The following JAZF1 variants were observed in gnomAD, a reference collection of about 807,000 sequenced individuals.
JAZF1 encodes the protein JAZF zinc finger 1.
JAZF1 carries 8 observed loss-of-function variants against 26.4 expected under a neutral mutation model. The ratio of observed to expected loss-of-function variants is 0.30; its 90% CI spans 0.18 to 0.55. The LOEUF (loss-of-function observed/expected upper bound fraction) is 0.55, where lower values mean the gene tolerates loss of function less well. JAZF1 is among the 20% of genes least tolerant of loss of function. JAZF1 has a pLI of 0.94. For missense variants in JAZF1, 199 were observed against 322.0 expected (o/e 0.62, Z 2.92); for synonymous variants, 126 against 122.3 (o/e 1.03, Z -0.20).
chr7:27,949,129 T>C (rs778318535), intron 2 of JAZF1, among the ~76,000 whole-genome samples: 22 of 152,270 alleles, frequency 1.4e-4, no homozygotes, highest in African/African-American at 3.9e-4. Context: ...TCCAATTCCA[T>C]AGTCACTCAG....
chr7:27,877,283 T>C (rs1783694953), intron 3 of JAZF1, among the ~76,000 whole-genome samples: 1 of 152,182 alleles, frequency 6.6e-6, no homozygotes, highest in Non-Finnish European at 1.5e-5. Context: ...CTGAGAAATA[T>C]GGAAATACCA....
rs577336730 is a variant in JAZF1 at position 28,089,549 on chromosome 7, T to C, written c.115+90914A>G. Among the ~76,000 whole-genome samples the C allele has an allele frequency of 2.0e-5, 3 of 152,316 alleles. No individual in the cohort carries two copies. The East Asian group carries it at 5.8e-4, about 29-fold the overall frequency. On this transcript the variant is annotated intron_variant, in intron 1 of 4. Coordinates refer to ENST00000283928, the MANE Select transcript of JAZF1 (RefSeq NM_175061.4). ...ACGCGTAGAGAGGCTGGAAGGTACATGCTAGAAAATGTTGACATTGCTGTG... is the reference window on the plus strand; with the variant it reads ...ACGCGTAGAGAGGCTGGAAGGTACACGCTAGAAAATGTTGACATTGCTGTG...
intron 1 of JAZF1, among the ~76,000 whole-genome samples, chr7:28,137,386 T>C (rs558508665): frequency 1.3e-5 from 2 of 152,244 alleles, no homozygotes; most frequent in South Asian, 4.1e-4. Flanking sequence ...TGGTCAAACT[T>C]CTCATGCTGA....
intron 1 of JAZF1, among the ~76,000 whole-genome samples, chr7:28,084,328 C>T (rs977864348): frequency 2.6e-5 from 4 of 152,172 alleles, no homozygotes; most frequent in African/African-American, 9.7e-5. Context: ...AAAACCCTTT[C>T]CATCAGGCCA....
chr7:28,021,432 TTAA>T (rs112051556), intron 1 of JAZF1, among the ~76,000 whole-genome samples: 189 of 152,290 alleles, frequency 1.2e-3, no homozygotes, highest in African/African-American at 4.3e-3. Context: ...AAATTCTGAC[TTAA>T]TGATGGAGTT....
intron 1 of JAZF1, among the ~76,000 whole-genome samples, chr7:28,067,925 G>C (rs1375001494): frequency 1.3e-5 from 2 of 151,994 alleles, no homozygotes; most frequent in African/African-American, 2.4e-5. Flanking sequence ...TCGTTTGTTT[G>C]TTTTTGAGAC....
chr7:28,116,616 G>C (rs1235913684), intron 1 of JAZF1, among the ~76,000 whole-genome samples: 1 of 150,862 alleles, frequency 6.6e-6, no homozygotes, highest in Non-Finnish European at 1.5e-5. Context: ...CTAATTTTTT[G>C]TATCTTTAGC....
chr7:28,145,766 G>A (rs1275267991), intron 1 of JAZF1, among the ~76,000 whole-genome samples: 1 of 151,538 alleles, frequency 6.6e-6, no homozygotes, highest in Non-Finnish European at 1.5e-5. Flanking sequence ...GTTCCCTTGT[G>A]CTTCTTCGTA....
At chr7:27,874,840 C>A (rs1479386786) in intron 3 of JAZF1, among the ~76,000 whole-genome samples, 1 of 152,128 alleles carries the variant, frequency 6.6e-6, no homozygotes, top group East Asian at 1.9e-4. Flanking sequence ...GATCATCAAG[C>A]CTGGCCCCAG....
chr7:28,170,830 G>A (rs1441859285), intron 1 of JAZF1, among the ~76,000 whole-genome samples: 2 of 152,172 alleles, frequency 1.3e-5, no homozygotes, highest in African/African-American at 2.4e-5. Flanking sequence ...AGCAAGCACT[G>A]AGTATATGGG....
At chr7:27,981,030 G>T (rs1434049080) in intron 2 of JAZF1, among the ~76,000 whole-genome samples, 4 of 152,150 alleles carry the variant, frequency 2.6e-5, no homozygotes, top group Non-Finnish European at 5.9e-5. Context: ...TCTGAAAGTG[G>T]CACTAGAAAT....
intron 1 of JAZF1, among the ~76,000 whole-genome samples, chr7:28,125,146 C>CTTTTTTTTT (rs35830575): frequency 1.5e-5 from 2 of 136,156 alleles, no homozygotes. Context: ...GGGAAGATTG[C>CTTTTTTTTT]TTTTTTTTTT....
chr7:27,996,537 CTT>C (rs1786021477), intron 1 of JAZF1, among the ~76,000 whole-genome samples: 3 of 152,294 alleles, frequency 2.0e-5, no homozygotes, highest in Admixed American at 2.0e-4. Context: ...GGATACGACA[CTT>C]TTCTTGGGAA....
chr7:28,075,262 A>G (rs1784033075), intron 1 of JAZF1, among the ~76,000 whole-genome samples: 1 of 151,924 alleles, frequency 6.6e-6, no homozygotes, highest in Non-Finnish European at 1.5e-5. Flanking sequence ...CTCAGTGATA[A>G]CCCCTCTCAT....
Position 28,098,369 on chromosome 7 carries a change from T to C in JAZF1, c.115+82094A>G, listed in dbSNP as rs150068996. 2.3e-3 allele frequency among the ~76,000 whole-genome samples: 343 copies of C among 152,218 alleles called. 1 individual carries two copies. The highest frequency in any genetic ancestry group is 8.0e-3 in the African/African-American group (332 of 41,526). Reference sequence around the variant, plus strand: ...ATGATTGTGTGTAAGCCAAACAGTCTGCAGTATTTTGTTGTAGCAGCTCAA... The same window carrying C: ...ATGATTGTGTGTAAGCCAAACAGTCCGCAGTATTTTGTTGTAGCAGCTCAA... On this transcript the variant is annotated intron_variant, in intron 1 of 4. Coordinates refer to ENST00000283928, the MANE Select transcript of JAZF1 (RefSeq NM_175061.4).
rs1209563088 is a variant in JAZF1 at position 28,096,217 on chromosome 7, G to C, written c.115+84246C>G. ...CCGCTCTTGGAGTTGGAGAAAACAA[G>C]AATGAAGGGAACAAGAGGGCCAGTG... is the stretch of plus-strand genomic sequence containing the variant. On this transcript the variant is annotated intron_variant, in intron 1 of 4. Transcript: ENST00000283928. 2.0e-5 allele frequency among the ~76,000 whole-genome samples: 3 copies of C among 152,366 alleles called. No homozygotes were observed. In the East Asian group the frequency reaches 5.8e-4, roughly 29 times the overall value.
intron 1 of JAZF1, among the ~76,000 whole-genome samples, chr7:27,994,733 G>T (rs1785979603): frequency 6.6e-6 from 1 of 152,182 alleles, no homozygotes; most frequent in Non-Finnish European, 1.5e-5. Context: ...CAAATCAGCT[G>T]CTGGTCACAA....
At chr7:28,075,691 G>C (rs1784040661) in intron 1 of JAZF1, among the ~76,000 whole-genome samples, 1 of 152,034 alleles carries the variant, frequency 6.6e-6, no homozygotes, top group Non-Finnish European at 1.5e-5. Flanking sequence ...GTTTCCTATA[G>C]TGAATATACT....
chr7:27,833,729 AT>A (rs1212703965), intron 4 of JAZF1, among the ~76,000 whole-genome samples: 10 of 152,248 alleles, frequency 6.6e-5, no homozygotes, highest in Non-Finnish European at 7.3e-5. Context: ...TACTAAAGTT[AT>A]CAAAATGCTT....
Sources: allele counts gnomAD v4.1 joint callset (sites outside exome capture counted in the v4.1 genomes callset), GRCh38; gene constraint gnomAD v4.1.1; transcripts MANE v1.5; gene names NCBI Gene and HGNC (gene_info 2026-07-23, HGNC 2026-07-21).